Variants in DNMT3A observed in about 807,000 individuals in gnomAD.
The protein encoded by DNMT3A is DNA (cytosine-5)-methyltransferase 3A.
Under a neutral mutation model 117.6 loss-of-function variants are expected in DNMT3A, and 267 were observed. That is an observed-to-expected ratio of 2.27 (90% CI 2.05 to 2.51). The LOEUF is 2.51. DNMT3A is among the 30% of genes most tolerant of loss of function. DNMT3A has a pLI of 0.00. For missense variants in DNMT3A, 1,029 were observed against 1,260.2 expected (o/e 0.82, Z 2.78); for synonymous variants, 432 against 474.8 (o/e 0.91, Z 1.17).
At chr2:25,251,622 T>C (rs1675573254) in intron 6 of DNMT3A, among the ~76,000 whole-genome samples, 1 of 152,166 alleles carries the variant, frequency 6.6e-6, no homozygotes, top group South Asian at 2.1e-4. Context: ...CATGCGGCCT[T>C]GGGCTACCCT....
chr2:25,266,682 T>C (rs999020827), intron 6 of DNMT3A, among the ~76,000 whole-genome samples: 6 of 152,212 alleles, frequency 3.9e-5, no homozygotes, highest in African/African-American at 1.4e-4. Context: ...GCAGCACAAA[T>C]GGCCAATAAA....
chr2:25,300,518 G>A (rs936560268), intron 2 of DNMT3A, among the ~76,000 whole-genome samples: 2 of 148,706 alleles, frequency 1.3e-5, no homozygotes, highest in African/African-American at 5.0e-5. Context: ...AAGGCAGGAG[G>A]ATCCCTTGAG....
At chr2:25,275,445 C>T (rs192979065) in intron 5 of DNMT3A, 55 bp downstream of exon 5, 14 of 1,575,444 alleles carry the variant, frequency 8.9e-6, no homozygotes, top group East Asian at 2.4e-5. Flanking sequence ...ACTCGCCACC[C>T]GTGTCCTTCT....
chr2:25,266,285 T>G (rs1166780529), intron 6 of DNMT3A, among the ~76,000 whole-genome samples: 1 of 152,242 alleles, frequency 6.6e-6, no homozygotes, highest in African/African-American at 2.4e-5. Flanking sequence ...TGATGTTATT[T>G]TTGAGGCCAC....
chr2:25,250,323 G>C (rs1305389965), intron 6 of DNMT3A, among the ~76,000 whole-genome samples: 6 of 152,150 alleles, frequency 3.9e-5, no homozygotes, highest in African/African-American at 1.4e-4. Flanking sequence ...TGGCGATTCC[G>C]AAAAACACTG....
rs981459189 is a variant in DNMT3A at position 25,311,957 on chromosome 2, C to T, written c.72+1956G>A. 1.3e-5 allele frequency among the ~76,000 whole-genome samples: 2 copies of T among 152,118 alleles called. No individual in the cohort carries two copies. The highest frequency in any genetic ancestry group is 2.4e-5 in the African/African-American group (1 of 41,414). ...GTCCATTGGTGGTGGCCTGGGGCTC[C>T]GCAGCCCAGAGCAGCAGCAGCGGCG... On this transcript the variant is annotated intron_variant, in intron 2 of 22. Coordinates refer to ENST00000321117, the MANE Select transcript of DNMT3A (RefSeq NM_022552.5). The surrounding 1 kb of genome is among the most constrained non-coding windows in gnomAD (Gnocchi z 5.2).
intron 6 of DNMT3A, among the ~76,000 whole-genome samples, chr2:25,253,798 G>A (rs1010272424): frequency 4.5e-4 from 68 of 152,346 alleles, no homozygotes; most frequent in African/African-American, 1.5e-3. Flanking sequence ...ACTTGGCCGA[G>A]CGCGGTGGCT....
intron 2 of DNMT3A, among the ~76,000 whole-genome samples, chr2:25,308,594 A>G (rs190081914): frequency 2.2e-4 from 34 of 152,146 alleles, no homozygotes; most frequent in Non-Finnish European, 4.7e-4. Context: ...GCGCGCCATT[A>G]TCGCTGGCTG....
Position 25,238,984 on chromosome 2 carries a change from G to A in DNMT3A, c.2408+146C>T, listed in dbSNP as rs992471644. 6.1e-6 allele frequency: 4 copies of A among 659,398 alleles called. No homozygotes were observed. In the South Asian group the frequency reaches 7.8e-5, roughly 13 times the overall value. The allele number at this position is 659,398 out of a possible 1,614,324, so 40.8% of individuals were successfully genotyped here. ...ACCCTGACTCCTCTTCCTCCTCAAG[G>A]AAAAGGAAATAAGGAACATGGCAGA... On this transcript the variant is annotated intron_variant, in intron 20 of 22. Coordinates refer to ENST00000321117, the MANE Select transcript of DNMT3A (RefSeq NM_022552.5).
chr2:25,280,467 G>T (rs998504338), intron 4 of DNMT3A, among the ~76,000 whole-genome samples: 9 of 152,182 alleles, frequency 5.9e-5, no homozygotes, highest in Middle Eastern at 3.4e-3. Flanking sequence ...CCACCTGGGA[G>T]CCTTCTTCCC....
chr2:25,341,313 C>G (rs1480573121), intron 1 of DNMT3A, among the ~76,000 whole-genome samples: 1 of 145,386 alleles, frequency 6.9e-6, no homozygotes. Context: ...CCCCGCTCCC[C>G]CGGGCCGCCG....
chr2:25,322,571 C>T (rs2034637285), intron 1 of DNMT3A, among the ~76,000 whole-genome samples: 1 of 151,862 alleles, frequency 6.6e-6, no homozygotes, highest in Non-Finnish European at 1.5e-5. Flanking sequence ...GCTCACTCAG[C>T]CCCTTCTCAG....
intron 17 of DNMT3A, among the ~76,000 whole-genome samples, chr2:25,241,140 G>A (rs978054929): frequency 1.3e-5 from 2 of 152,216 alleles, no homozygotes; most frequent in African/African-American, 4.8e-5. Context: ...GAGCCTCCCA[G>A]ATATGGAAGC....
Position 25,293,242 on chromosome 2 carries a change from G to A in DNMT3A, c.177+6897C>T, listed in dbSNP as rs962927188. On this transcript the variant is annotated intron_variant, in intron 3 of 22. Coordinates refer to ENST00000321117, the MANE Select transcript of DNMT3A (RefSeq NM_022552.5). This position sits in a 1 kb window ranked among gnomAD's most constrained non-coding sequence, Gnocchi z 4.7. ...GCATAGGCTTGGCCAATTCTGCCCCGCCACTGCCACCCCCCACAGGCCCTG... is the reference window on the plus strand; with the variant it reads ...GCATAGGCTTGGCCAATTCTGCCCCACCACTGCCACCCCCCACAGGCCCTG... Among the ~76,000 whole-genome samples the A allele has an allele frequency of 4.6e-5, 7 of 151,830 alleles. No homozygotes were observed. The highest frequency in any genetic ancestry group is 9.7e-5 in the African/African-American group (4 of 41,282).
intron 22 of DNMT3A, 104 bp downstream of exon 22, chr2:25,235,603 C>G: frequency 1.1e-6 from 1 of 880,836 alleles, no homozygotes; most frequent in Non-Finnish European, 1.8e-6. Context: ...GTTCCCAGGA[C>G]GTTTGTGGAA....
chr2:25,341,783 C>T (rs2035470055), intron 1 of DNMT3A, 43 bp downstream of exon 1: 13 of 979,170 alleles, frequency 1.3e-5, no homozygotes, highest in Non-Finnish European at 1.6e-5. Flanking sequence ...TCCCCGCCGC[C>T]TCCGGGCCGG....
chr2:25,283,821 G>T (rs562333073), intron 3 of DNMT3A, among the ~76,000 whole-genome samples: 1 of 152,156 alleles, frequency 6.6e-6, no homozygotes, highest in Non-Finnish European at 1.5e-5. Context: ...GTGTCACTGC[G>T]CAGTGGACAA....
Position 25,266,171 on chromosome 2 carries a change from T to A in DNMT3A, c.639+8770A>T, listed in dbSNP as rs138493927. ...CTATGGTAAAGGCCAGCCCTCGAAG[T>A]CACTACTGCTTACAGGCTGTCATGG... is the stretch of plus-strand genomic sequence containing the variant. On this transcript the variant is annotated intron_variant, in intron 6 of 22. Transcript: ENST00000321117. 3.9e-3 allele frequency among the ~76,000 whole-genome samples: 601 copies of A among 152,326 alleles called. 1 individual carries two copies. Among genetic ancestry groups the A allele is most frequent in the Admixed American group, 6.4e-3 (98 of 15,310 alleles).
intron 14 of DNMT3A, 45 bp from the exon 15 acceptor site, chr2:25,244,383 C>A: frequency 6.4e-7 from 1 of 1,567,964 alleles, no homozygotes. Context: ...AGCCCTGGTC[C>A]GGGGAGGCCA....
Sources: gnomAD v4.1 joint callset for allele counts (sites outside exome capture counted in the v4.1 genomes callset) on GRCh38, gnomAD v4.1.1 for gene constraint, Gnocchi (gnomAD v3.1) non-coding constraint, MANE v1.5 for transcripts, NCBI Gene and HGNC (gene_info 2026-07-23, HGNC 2026-07-21) for gene names.